The following DNAH5 variants were observed in gnomAD, a reference collection of about 807,000 sequenced individuals.
DNAH5 encodes axonemal beta dynein heavy chain 5.
DNAH5 carries 372 observed loss-of-function variants against 518.2 expected under a neutral mutation model. The observed-to-expected ratio is 0.72, with a 90% CI of 0.66 to 0.78. The LOEUF is 0.78. Among genes scored for constraint, DNAH5 ranks in the 30% least tolerant of loss-of-function variants. The probability of loss-of-function intolerance (pLI) is 0.00; values close to 1 mark genes in which losing one functional copy is unlikely to be tolerated. For missense variants in DNAH5, 5,523 were observed against 5,687.0 expected, an observed-to-expected ratio of 0.97 and a Z score of 0.93; for synonymous variants, 2,039 against 2,025.9, an observed-to-expected ratio of 1.01 and a Z score of -0.17.
rs372869327 is a variant in DNAH5 at position 13,949,835 on chromosome 5, T to A, written c.13-18591A>T. Reference sequence around the variant, plus strand: ...TAACACTTCCACATACCTGTAGAAATAATGTTGTCCTGGCTTTAGGACGTT... The same window carrying A: ...TAACACTTCCACATACCTGTAGAAAAAATGTTGTCCTGGCTTTAGGACGTT... On this transcript the variant is annotated intron_variant, in intron 1 of 78. Coordinates refer to the DNAH5 transcript ENST00000681290. Among the ~76,000 whole-genome samples, 345 of 152,288 alleles carry A rather than the reference T, an allele frequency of 2.3e-3. 18 individuals carry two copies. In the South Asian group the frequency reaches 0.063, roughly 28 times the overall value.
At chr5:13,980,475 G>A (rs771275995) in intron 1 of DNAH5, among the ~76,000 whole-genome samples, 10 of 151,846 alleles carry the variant, frequency 6.6e-5, no homozygotes, top group African/African-American at 1.7e-4. Flanking sequence ...CTCCTCTCTC[G>A]GTCTTCCCCC....
chr5:13,968,410 T>G (rs932649171), intron 1 of DNAH5, among the ~76,000 whole-genome samples: 1 of 152,218 alleles, frequency 6.6e-6, no homozygotes, highest in Non-Finnish European at 1.5e-5. Flanking sequence ...GGGGGAATGC[T>G]TTCAACTTTT....
intron 21 of DNAH5, among the ~76,000 whole-genome samples, chr5:13,880,689 G>T (rs1024699561): frequency 2.6e-5 from 4 of 151,292 alleles, no homozygotes; most frequent in Non-Finnish European, 5.9e-5. Flanking sequence ...AAGGCCATAA[G>T]AGATACATAA....
chr5:13,807,514 A>G (rs1468994923), intron 47 of DNAH5, 77 bp downstream of exon 47: 1 of 1,390,960 alleles, frequency 7.2e-7, no homozygotes, highest in Non-Finnish European at 1.0e-6. Context: ...ATTCAATTGA[A>G]GCAGAATAGT....
At position 13,694,479 on chromosome 5, in the gene DNAH5, G is replaced by T. The variant is rs146738312; in HGVS notation, c.13724-2344C>A. ...CAAAAATAGGCATGCTAGGTAGGTA[G>T]AACAAATCACCTAAGTATGTTTAAA... On this transcript the variant is annotated intron_variant, in intron 78 of 78. Coordinates refer to ENST00000265104, the MANE Select transcript of DNAH5 (RefSeq NM_001369.3). 2.5e-4 allele frequency among the ~76,000 whole-genome samples: 38 copies of T among 152,288 alleles called. No homozygotes were observed. The East Asian group carries it at 7.3e-3, about 29-fold the overall frequency.
At chr5:13,878,849 T>C (rs1771257339) in intron 21 of DNAH5, among the ~76,000 whole-genome samples, 1 of 152,188 alleles carries the variant, frequency 6.6e-6, no homozygotes, top group Non-Finnish European at 1.5e-5. Context: ...TGCAGAGAAC[T>C]GAAGATAAAT....
chr5:13,988,821 G>A (rs909803916), intron 1 of DNAH5, among the ~76,000 whole-genome samples: 1 of 149,636 alleles, frequency 6.7e-6, no homozygotes, highest in Non-Finnish European at 1.5e-5. Flanking sequence ...CTGCCTCCCG[G>A]GTTCAAGTGA....
rs568780991 is a variant in DNAH5 at position 14,006,017 on chromosome 5, A to AC, written c.12+5630dup. Among the ~76,000 whole-genome samples, 498 of 146,172 alleles carry AC rather than the reference A, an allele frequency of 3.4e-3. 4 individuals are homozygous for AC. Among genetic ancestry groups the AC allele is most frequent in the African/African-American group, 0.012 (472 of 39,558 alleles). ...TCCTGCAGCCCCCTGTTCCAAACCC[A>AC]CCCCCCTTGCAGACCCACACCTTTT... On this transcript the variant is annotated intron_variant, in intron 1 of 78. Coordinates refer to the DNAH5 transcript ENST00000681290.
intron 21 of DNAH5, among the ~76,000 whole-genome samples, chr5:13,881,640 T>C (rs1166012575): frequency 1.3e-5 from 2 of 152,006 alleles, no homozygotes; most frequent in East Asian, 1.9e-4. Context: ...CAAATGAGAA[T>C]GGAAACATGA....
chr5:14,000,922 AG>A (rs767491708), intron 1 of DNAH5, among the ~76,000 whole-genome samples: 2 of 152,242 alleles, frequency 1.3e-5, no homozygotes, highest in Non-Finnish European at 2.9e-5. Context: ...AAATGGATAA[AG>A]AAAATATGGT....
chr5:13,906,396 A>G (rs989923437), intron 12 of DNAH5, among the ~76,000 whole-genome samples: 1 of 152,168 alleles, frequency 6.6e-6, no homozygotes, highest in African/African-American at 2.4e-5. Context: ...CTTCCTCTCA[A>G]TTTTGCTGTG....
At chr5:13,704,070 C>T (rs1358488273) in intron 76 of DNAH5, among the ~76,000 whole-genome samples, 1 of 152,138 alleles carries the variant, frequency 6.6e-6, no homozygotes, top group East Asian at 1.9e-4. Context: ...ACTGTCTGGA[C>T]CCAAGGATGC....
chr5:13,878,599 A>G (rs909735780), intron 21 of DNAH5, among the ~76,000 whole-genome samples: 3 of 152,180 alleles, frequency 2.0e-5, no homozygotes, highest in Non-Finnish European at 4.4e-5. Context: ...TTCTGGAAGG[A>G]GCTACGACAC....
In DNAH5 at chr5:13,885,094, A is replaced by G. The variant is rs1345413837; in HGVS notation, c.2878T>C (p.Ser960Pro). 1.2e-6 allele frequency: 2 copies of G among 1,614,240 alleles called. No homozygotes were observed. Among genetic ancestry groups the G allele is most frequent in the Non-Finnish European group, 8.5e-7 (1 of 1,180,042 alleles). Reference protein sequence around the residue: ...MLGEEARELLSHFNHQNMDAL... With the variant: ...MLGEEARELLPHFNHQNMDAL... ...TCCATGTTCTGATGGTTGAAATGAG[A>G]GAGTAACTCGCGGGCTTCTTCCCCT... is the stretch of plus-strand genomic sequence containing the variant. Residue 960 changes from serine (S) to proline (P), a missense_variant, in exon 19 of 79, where the codon TCT becomes CCT. Coordinates refer to ENST00000265104, the MANE Select transcript of DNAH5 (RefSeq NM_001369.3).
intron 7 of DNAH5, among the ~76,000 whole-genome samples, chr5:13,918,589 G>A (rs1442072372): frequency 1.3e-5 from 2 of 152,148 alleles, no homozygotes; most frequent in Non-Finnish European, 2.9e-5. Flanking sequence ...TTCTGCCTCA[G>A]CCTCCCAAGT....
chr5:13,694,297 G>C (rs1314678059), intron 78 of DNAH5, among the ~76,000 whole-genome samples: 1 of 152,164 alleles, frequency 6.6e-6, no homozygotes, highest in African/African-American at 2.4e-5. Context: ...AGAGCTGAAG[G>C]TGCTCATGCC....
intron 26 of DNAH5, 24 bp from the exon 27 acceptor site, chr5:13,865,930 G>GC (rs758333581): frequency 1.4e-5 from 20 of 1,424,896 alleles, no homozygotes; most frequent in Admixed American, 1.0e-4. Context: ...AAGTGAAAAC[G>GC]CATCAAAATG....
At position 13,830,163 on chromosome 5, in the gene DNAH5, C is replaced by G. The variant is rs1028080093; in HGVS notation, c.6112G>C (p.Asp2038His). 3.7e-6 allele frequency: 6 copies of G among 1,613,906 alleles called. No individual in the cohort carries two copies. Among genetic ancestry groups the G allele is most frequent in the Non-Finnish European group, 5.1e-6 (6 of 1,179,938 alleles). The change falls in exon 37 of 79, where the codon GAT (aspartate) becomes CAT (histidine). Residue 2038 changes from aspartate (D) to histidine (H), a missense_variant. By Grantham distance (81) the Asp-to-His change is moderately conservative (BLOSUM62 -1). This residue lies in a region of DNAH5 where 5,121 missense variants were observed against 5,223.3 expected (regional missense o/e 0.98). Coordinates refer to ENST00000265104, the MANE Select transcript of DNAH5 (RefSeq NM_001369.3). ...GCTGCAACCGAGAGAACTGGTAGAT[C>G]AATACGGTTAAATTCATCAAAACAA... ...WGCFDEFNRI[D>H]LPVLSVAAQQ...
At chr5:13,879,945 C>T (rs1771432430) in intron 21 of DNAH5, among the ~76,000 whole-genome samples, 1 of 152,018 alleles carries the variant, frequency 6.6e-6, no homozygotes, top group Admixed American at 6.6e-5. Context: ...AAAGCCAGCT[C>T]CAGGAAGCCC....
Sources: gnomAD v4.1 joint callset for allele counts (sites outside exome capture counted in the v4.1 genomes callset) on GRCh38, gnomAD v4.1.1 for gene constraint, gnomAD v4.1.1 regional missense constraint, MANE v1.5 for transcripts, NCBI Gene and HGNC (gene_info 2026-07-23, HGNC 2026-07-21) for gene names.